Variants in CNTLN observed in about 807,000 individuals in gnomAD.
The protein encoded by CNTLN is centlein, centrosomal protein.
In CNTLN, 212 loss-of-function variants were observed where a neutral mutation model predicts 180.0. The ratio of observed to expected loss-of-function variants is 1.18; its 90% CI spans 1.05 to 1.32. The LOEUF (loss-of-function observed/expected upper bound fraction) is 1.32, where lower values mean the gene tolerates loss of function less well. CNTLN is among the 40% of genes most tolerant of loss of function. The pLI is 0.00. For synonymous variants in CNTLN, 722 were observed against 563.1 expected (o/e 1.28, Z -3.99); for missense variants, 2,095 against 1,610.9 (o/e 1.30, Z -5.14).
rs141404282 is a variant in CNTLN, at chr9:17,368,242, C to G, written c.1987+1525C>G. Among the ~76,000 whole-genome samples the G allele has an allele frequency of 5.1e-3, 769 of 152,188 alleles. 5 individuals carry two copies. Among genetic ancestry groups the G allele is most frequent in the African/African-American group, 0.018 (738 of 41,528 alleles). ...TGTAGGACTGTGGTGGTGGTGACCA[C>G]AGGCAGAGACTCCTTTGCCTGTGGA... On this transcript the variant is annotated intron_variant, in intron 13 of 25. Coordinates refer to ENST00000380647, the MANE Select transcript of CNTLN (RefSeq NM_017738.4).
intron 6 of CNTLN, among the ~76,000 whole-genome samples, chr9:17,295,166 GC>G (rs1418382716): frequency 3.3e-5 from 5 of 151,968 alleles, no homozygotes; most frequent in Admixed American, 1.3e-4. Context: ...ACTCTAGCTG[GC>G]CCGCAGGCGC....
chr9:17,186,346 A>C (rs1190220986), intron 2 of CNTLN, among the ~76,000 whole-genome samples: 3 of 152,172 alleles, frequency 2.0e-5, no homozygotes, highest in African/African-American at 7.2e-5. Flanking sequence ...TTGTCATGTT[A>C]AAAGAATCTC....
chr9:17,274,459 A>ATCTATCTG (rs199882455), intron 6 of CNTLN, among the ~76,000 whole-genome samples: 12,549 of 125,656 alleles, frequency 0.1, 592 homozygotes, highest in South Asian at 0.21. Context: ...ATCAATATCT[A>ATCTATCTG]TCTATCTATC....
At chr9:17,456,796 T>C (rs76207748) in intron 18 of CNTLN, among the ~76,000 whole-genome samples, 4,021 of 152,254 alleles carry the variant, frequency 0.026, 211 homozygotes, top group East Asian at 0.25. Context: ...GGTGACATTC[T>C]GCTCACTATA....
At chr9:17,199,285 C>G (rs11535434) in intron 2 of CNTLN, among the ~76,000 whole-genome samples, 6,952 of 143,224 alleles carry the variant, frequency 0.049, 206 homozygotes, top group South Asian at 0.15. Context: ...AGTCTTGGCT[C>G]ACTGCAACCT....
At chr9:17,297,517 G>A in intron 6 of CNTLN, among the ~76,000 whole-genome samples, 1 of 152,268 alleles carries the variant, frequency 6.6e-6, no homozygotes, top group Non-Finnish European at 1.5e-5. Flanking sequence ...TCTCAAAGGT[G>A]TAGTTCTCCT....
chr9:17,505,217 A>G (rs569162901), downstream of CNTLN, among the ~76,000 whole-genome samples: 1 of 152,258 alleles, frequency 6.6e-6, no homozygotes, highest in South Asian at 2.1e-4. Flanking sequence ...TACAGCTAAC[A>G]TTGTATGTAA....
chr9:17,204,530 C>T (rs1183896394), intron 2 of CNTLN, among the ~76,000 whole-genome samples: 1 of 152,146 alleles, frequency 6.6e-6, no homozygotes, highest in Non-Finnish European at 1.5e-5. Flanking sequence ...TTGCTGCCTG[C>T]TCTTTCCTCT....
At chr9:17,243,170 G>A (rs923047239) in intron 5 of CNTLN, among the ~76,000 whole-genome samples, 3 of 152,006 alleles carry the variant, frequency 2.0e-5, no homozygotes, top group African/African-American at 7.2e-5. Context: ...AGTATCTGTT[G>A]TAATGTCTAC....
rs186993806 is a variant in CNTLN, at chr9:17,423,794, T to C, written c.3114+7605T>C. Among the ~76,000 whole-genome samples, 13 of 152,224 alleles carry C rather than the reference T, an allele frequency of 8.5e-5. No individual in the cohort carries two copies. In the East Asian group the frequency reaches 2.5e-3, roughly 29 times the overall value. ...CTCTGGGCACCAGCAGAATTCCGCC[T>C]TGTGTTGTGTTCCGCTGTGACAGGA... On this transcript the variant is annotated intron_variant, in intron 18 of 25. Transcript: ENST00000380647.
chr9:17,266,670 T>G (rs1827477491), intron 5 of CNTLN, among the ~76,000 whole-genome samples: 1 of 152,124 alleles, frequency 6.6e-6, no homozygotes, highest in Non-Finnish European at 1.5e-5. Context: ...TGTGTGGGAG[T>G]CTAAGTCTCT....
At chr9:17,145,086 C>A (rs560939965) in intron 2 of CNTLN, among the ~76,000 whole-genome samples, 1 of 150,074 alleles carries the variant, frequency 6.7e-6, no homozygotes, top group East Asian at 1.9e-4. Context: ...CATGATCCAC[C>A]CGCCTCGGCC....
chr9:17,349,151 T>A (rs542887063), intron 12 of CNTLN, among the ~76,000 whole-genome samples: 6 of 152,206 alleles, frequency 3.9e-5, no homozygotes, highest in Non-Finnish European at 8.8e-5. Context: ...TCTATCCTTC[T>A]TCTTTTCCCT....
At chr9:17,445,584 T>G in intron 18 of CNTLN, among the ~76,000 whole-genome samples, 1 of 152,210 alleles carries the variant, frequency 6.6e-6, no homozygotes, top group East Asian at 1.9e-4. Context: ...AAACAGATGC[T>G]TGAAGGCAGC....
Position 17,484,418 on chromosome 9 carries a change from G to A in CNTLN, c.3979G>A (p.Ala1327Thr). ...TSTHKAQTLAASILNISRSDL... is the reference protein window; with the variant it reads ...TSTHKAQTLATSILNISRSDL... ...AACCCATAAAGCCCAGACCTTGGCA[G>A]CTTCTATCCTGAACATTTCACGGTC... Residue 1327 changes from alanine to threonine, a missense_variant, in exon 24 of 26, where the codon GCT becomes ACT. Coordinates refer to ENST00000380647, the MANE Select transcript of CNTLN (RefSeq NM_017738.4). The A allele has an allele frequency of 1.2e-6, 2 of 1,610,016 alleles. No homozygotes were observed. Among genetic ancestry groups the A allele is most frequent in the Non-Finnish European group, 1.7e-6 (2 of 1,178,956 alleles).
chr9:17,465,959 T>A, intron 21 of CNTLN, 22 bp from the exon 22 acceptor site: 1 of 1,577,138 alleles, frequency 6.3e-7, no homozygotes, highest in African/African-American at 1.4e-5. Flanking sequence ...CAATAATAAT[T>A]ACCTTTATGC....
chr9:17,526,361 T>G, the CNTLN span, among the ~76,000 whole-genome samples: 1 of 152,196 alleles, frequency 6.6e-6, no homozygotes, highest in East Asian at 1.9e-4. Context: ...ATTAAGTAAA[T>G]TACTATAAGA....
At chr9:17,257,977 T>C (rs1587365393) in intron 5 of CNTLN, among the ~76,000 whole-genome samples, 1 of 149,444 alleles carries the variant, frequency 6.7e-6, no homozygotes, top group East Asian at 1.9e-4. Flanking sequence ...AGCTCTTTAG[T>C]TTAATTAGAT....
chr9:17,260,098 C>G (rs1826838992), intron 5 of CNTLN, among the ~76,000 whole-genome samples: 1 of 145,926 alleles, frequency 6.9e-6, no homozygotes, highest in Non-Finnish European at 1.5e-5. Context: ...TTCCTGCTTT[C>G]TCTTGTGGGC....
Sources: allele counts gnomAD v4.1 joint callset (sites outside exome capture counted in the v4.1 genomes callset), GRCh38; gene constraint gnomAD v4.1.1; transcripts MANE v1.5; gene names NCBI Gene and HGNC (gene_info 2026-07-23, HGNC 2026-07-21).